The following ZNF296 variants were observed in gnomAD, a reference collection of about 807,000 sequenced individuals.
The protein encoded by ZNF296 is zinc finger protein 342.
In ZNF296, 1 loss-of-function variant was observed where a neutral mutation model predicts 13.2. The observed-to-expected ratio is 0.08, with a 90% CI of 0.03 to 0.36. ZNF296 has a LOEUF of 0.36. ZNF296 is among the 10% of genes least tolerant of loss of function. The probability of loss-of-function intolerance (pLI) is 0.99; values close to 1 mark genes in which losing one functional copy is unlikely to be tolerated. For missense variants in ZNF296, 555 were observed against 688.2 expected, an observed-to-expected ratio of 0.81 and a Z score of 2.16; for synonymous variants, 303 against 289.0, an observed-to-expected ratio of 1.05 and a Z score of -0.49.
Position 45,076,201 on chromosome 19 carries a change from G to A in ZNF296, c.173C>T (p.Ser58Leu), listed in dbSNP as rs138387155. 1,300 of 1,508,460 alleles carry A rather than the reference G, an allele frequency of 8.6e-4. 7 individuals carry two copies. In the African/African-American group the frequency reaches 0.016, roughly 19 times the overall value. The allele number at this position is 1,508,460 out of a possible 1,614,324, so 93.4% of individuals were successfully genotyped here. A position where few individuals can be genotyped will look rare whatever the true frequency, so the allele number is the denominator to read the frequency against. Residue 58 changes from serine (S) to leucine (L), a missense_variant, in exon 1 of 3, where the codon TCG becomes TTG. By Grantham distance (145) the Ser-to-Leu change is moderately radical (BLOSUM62 -2). Around this residue, in one of 3 missense-constraint regions of ZNF296, gnomAD observed 137 missense variants for 121.9 expected, o/e 1.12. Transcript: ENST00000303809. The surrounding 1 kb of genome is among the most constrained non-coding windows in gnomAD (Gnocchi z 4.9). The stretch of plus-strand genomic sequence containing the variant: ...GGGTTCGCCGCCGAACCGCCCCGCC[G>A]AGGACACCTCCTTCGGGGAGAAGGG... ...LGPFSPKEVS[S>L]AGRFGGEPHH...
chr19:45,072,285 C>T lies in ZNF296; in HGVS notation c.744G>A (p.Val248=), dbSNP rs772971735. The T allele has an allele frequency of 3.7e-6, 6 of 1,613,586 alleles. No homozygotes were observed. Among genetic ancestry groups the T allele is most frequent in the Non-Finnish European group, 5.1e-6 (6 of 1,179,914 alleles). Residue 248 remains valine, a synonymous_variant, in exon 3 of 3, where the codon GTG becomes GTA. Transcript: ENST00000303809. The stretch of plus-strand genomic sequence containing the variant: ...GCTCGCCTGTGTGTGAGCGCATGTG[C>T]ACTTTGAGGTTGCTGAAGGAGCTGA... ...KTLSSFSNLK[V]HMRSHTGERP...
Position 45,072,413 on chromosome 19 carries a change from C to A in ZNF296, c.616G>T (p.Val206Leu), listed in dbSNP as rs760280796. The change falls in exon 3 of 3, where the codon GTG (valine) becomes TTG (leucine). Residue 206 changes from valine (V) to leucine (L), a missense_variant. Val to Leu is a conservative substitution (Grantham distance 32, BLOSUM62 1). This residue lies in a region of ZNF296 where 410 missense variants were observed against 548.0 expected (regional missense o/e 0.75). Transcript: ENST00000303809. ...GCTGCTGGCCCCACCACTGCCGACACGGCTGCAGCCACCTCGGCCAGGCCC... is the reference window on the plus strand; with the variant it reads ...GCTGCTGGCCCCACCACTGCCGACAAGGCTGCAGCCACCTCGGCCAGGCCC... ...LLGLAEVAAAVSAVVGPAAEA... is the reference protein window; with the variant it reads ...LLGLAEVAAALSAVVGPAAEA... The A allele has an allele frequency of 2.5e-6, 4 of 1,612,560 alleles. No homozygotes were observed. The highest frequency in any genetic ancestry group is 3.4e-6 in the Non-Finnish European group (4 of 1,179,724).
intron 2 of ZNF296, among the ~76,000 whole-genome samples, chr19:45,074,230 G>A (rs1967304990): frequency 6.6e-6 from 1 of 151,708 alleles, no homozygotes; most frequent in South Asian, 2.1e-4. Context: ...CCATGGTGGT[G>A]CACGCCTGTA....
intron 2 of ZNF296, among the ~76,000 whole-genome samples, chr19:45,075,198 C>G (rs1030949427): frequency 1.3e-5 from 2 of 152,144 alleles, no homozygotes; most frequent in African/African-American, 2.4e-5. Context: ...ATTCCATCAC[C>G]GAGGGAAGCC....
chr19:45,075,902 A>G (rs930984033), intron 1 of ZNF296, 40 bp from the exon 2 acceptor site: 2 of 1,609,820 alleles, frequency 1.2e-6, no homozygotes, highest in Admixed American at 1.7e-5. Context: ...GGGTGGGGCC[A>G]GGATGGGGGC....
chr19:45,071,621 C>T lies in ZNF296; in HGVS notation c.1408G>A (p.Glu470Lys). Reference sequence around the variant, plus strand: ...TGGGCTCAGGCCTCGCCGGCCGCCTCAGGGTGCTTCTGCCGCAGGTGTTTG... The same window carrying T: ...TGGGCTCAGGCCTCGCCGGCCGCCTTAGGGTGCTTCTGCCGCAGGTGTTTG... Reference protein sequence around the residue: ...LDKHLRQKHPEAAGEA With the variant: ...LDKHLRQKHPKAAGEA The change falls in exon 3 of 3, where the codon GAG (glutamate) becomes AAG (lysine). Residue 470 changes from glutamate to lysine, a missense_variant. Coordinates refer to ENST00000303809, the MANE Select transcript of ZNF296 (RefSeq NM_145288.3). 1 of 1,524,540 alleles carries T rather than the reference C, an allele frequency of 6.6e-7. No individual in the cohort carries two copies. Among genetic ancestry groups the T allele is most frequent in the Non-Finnish European group, 8.8e-7 (1 of 1,141,866 alleles). The allele number at this position is 1,524,540 out of a possible 1,614,324, so 94.4% of individuals were successfully genotyped here. A position where few individuals can be genotyped will look rare whatever the true frequency, so the allele number is the denominator to read the frequency against.
At chr19:45,075,605 C>T in intron 2 of ZNF296, 108 bp downstream of exon 2, 1 of 1,261,952 alleles carries the variant, frequency 7.9e-7, no homozygotes, top group Non-Finnish European at 1.1e-6. Context: ...CGATGGGGAG[C>T]GAGAAAGGGG....
rs751850971 is a variant in ZNF296, at chr19:45,071,699, G to A, written c.1330C>T (p.Arg444Cys). The change falls in exon 3 of 3, where the codon CGC (arginine) becomes TGC (cysteine). Residue 444 changes from arginine (R) to cysteine (C), a missense_variant. By Grantham distance (180) the Arg-to-Cys change is radical (BLOSUM62 -3). Transcript: ENST00000303809. Reference protein sequence around the residue: ...RMHGMTPGSTRFECPHCHVPF... With the variant: ...RMHGMTPGSTCFECPHCHVPF... ...ACATGGCAGTGGGGGCACTCGAAGC[G>A]GGTGCTGCCAGGCGTCATGCCGTGC... The A allele has an allele frequency of 9.4e-6, 15 of 1,588,500 alleles. No individual in the cohort carries two copies. The highest frequency in any genetic ancestry group is 6.9e-5 in the Admixed American group (4 of 58,018).
chr19:45,073,892 C>G (rs1216315302), intron 2 of ZNF296, among the ~76,000 whole-genome samples: 3 of 151,280 alleles, frequency 2.0e-5, no homozygotes, highest in African/African-American at 7.3e-5. Context: ...TGTGGTGGTG[C>G]GCGCCTGTAA....
At chr19:45,072,614 A>G (rs756246629) in intron 2 of ZNF296, 34 bp from the exon 3 acceptor site, 1 of 1,549,574 alleles carries the variant, frequency 6.5e-7, no homozygotes, top group African/African-American at 1.4e-5. Context: ...GTTAGTGCGG[A>G]CAGCTGCCAG....
At position 45,073,893 on chromosome 19, in the gene ZNF296, G is replaced by A. The variant is rs114975463; in HGVS notation, c.449-1313C>T. On this transcript the variant is annotated intron_variant, in intron 2 of 2. Transcript: ENST00000303809. ...AAAAAATAGCCGGGTGTGGTGGTGC[G>A]CGCCTGTAATCCCGGCCACTTGGGA... is the stretch of plus-strand genomic sequence containing the variant. 7.2e-3 allele frequency among the ~76,000 whole-genome samples: 1,091 copies of A among 151,484 alleles called. 12 individuals are homozygous for A. Among genetic ancestry groups the A allele is most frequent in the African/African-American group, 0.025 (1,013 of 41,318 alleles).
Position 45,076,154 on chromosome 19 carries a change from G to C in ZNF296, c.220C>G (p.Pro74Ala), listed in dbSNP as rs200474601. The change falls in exon 1 of 3, where the codon CCC becomes GCC. Residue 74 changes from proline (P) to alanine (A), a missense_variant. By Grantham distance (27) the Pro-to-Ala change is conservative. Around this residue, in one of 3 missense-constraint regions of ZNF296, gnomAD observed 137 missense variants for 121.9 expected, o/e 1.12. Transcript: ENST00000303809. This position sits in a 1 kb window ranked among gnomAD's most constrained non-coding sequence, Gnocchi z 4.9. ...AGGGCGAGGAGGGCGGCCCCGGCGG[G>C]CATGGGGCCAGGGGAGTGGTGGGGT... is the stretch of plus-strand genomic sequence containing the variant. ...GEPHHSPGPM[P>A]AGAALLALGP... 1 of 1,545,870 alleles carries C rather than the reference G, an allele frequency of 6.5e-7. No homozygotes were observed. The highest frequency in any genetic ancestry group is 8.7e-7 in the Non-Finnish European group (1 of 1,151,376).
rs1386859873 is a variant in ZNF296 at position 45,072,305 on chromosome 19, A to T, written c.724T>A (p.Ser242Thr). ...ATGTGCACTTTGAGGTTGCTGAAGGAGCTGAGGGTCTTCTTGCACACAGGA... is the reference window on the plus strand; with the variant it reads ...ATGTGCACTTTGAGGTTGCTGAAGGTGCTGAGGGTCTTCTTGCACACAGGA... ...TCPVCKKTLS[S>T]FSNLKVHMRS... The change falls in exon 3 of 3, where the codon TCC becomes ACC. Residue 242 changes from serine (S) to threonine (T), a missense_variant. By Grantham distance (58) the Ser-to-Thr change is moderately conservative. Transcript: ENST00000303809. 6.2e-7 allele frequency: 1 copy of T among 1,613,336 alleles called. No individual in the cohort carries two copies. Among genetic ancestry groups the T allele is most frequent in the East Asian group, 2.2e-5 (1 of 44,866 alleles).
intron 2 of ZNF296, among the ~76,000 whole-genome samples, chr19:45,072,918 T>C (rs1967284003): frequency 6.6e-6 from 1 of 152,178 alleles, no homozygotes; most frequent in Non-Finnish European, 1.5e-5. Flanking sequence ...CCCGCCACCA[T>C]GCCTGGCTAA....
At position 45,072,240 on chromosome 19, in the gene ZNF296, C is replaced by G. The variant is rs576782758; in HGVS notation, c.789G>C (p.Gln263His). The G allele has an allele frequency of 6.2e-7, 1 of 1,613,388 alleles. No homozygotes were observed. The highest frequency in any genetic ancestry group is 1.1e-5 in the South Asian group (1 of 91,056). ...HTGERPYACD[Q>H]CPYACAQSSK... ...TGCTCTGGGCGCAGGCGTAGGGACA[C>G]TGGTCGCAAGCATAGGGCCGCTCGC... The change falls in exon 3 of 3, where the codon CAG (glutamine) becomes CAC (histidine). Residue 263 changes from glutamine to histidine, a missense_variant. Gln to His is a conservative substitution (Grantham distance 24). Transcript: ENST00000303809.
Position 45,071,954 on chromosome 19 carries a change from G to A in ZNF296, c.1075C>T (p.Gln359Ter). 1 of 1,613,696 alleles carries A rather than the reference G, an allele frequency of 6.2e-7. No homozygotes were observed. Among genetic ancestry groups the A allele is most frequent in the Non-Finnish European group, 8.5e-7 (1 of 1,180,028 alleles). ...GDTWGAITTEQRTDPANSQKA... is the reference protein window; with the variant it reads ...GDTWGAITTE ...TGGCTGTTTGCAGGGTCAGTTCTTT[G>A]TTCCGTGGTGATGGCTCCCCAAGTG... Residue 359 changes from glutamine (Q) to a stop codon, truncating the protein, a stop_gained, in exon 3 of 3, where the codon CAA (glutamine) becomes TAA (stop). Transcript: ENST00000303809. LOFTEE classifies it low-confidence loss of function (END_TRUNC).
Position 45,071,707 on chromosome 19 carries a change from C to A in ZNF296, c.1322G>T (p.Gly441Val). 6.3e-7 allele frequency: 1 copy of A among 1,593,982 alleles called. No homozygotes were observed. The highest frequency in any genetic ancestry group is 8.6e-7 in the Non-Finnish European group (1 of 1,169,096). Reference protein sequence around the residue: ...RHRRMHGMTPGSTRFECPHCH... With the variant: ...RHRRMHGMTPVSTRFECPHCH... ...GTGGGGGCACTCGAAGCGGGTGCTG[C>A]CAGGCGTCATGCCGTGCATGCGGCG... Residue 441 changes from glycine to valine, a missense_variant, in exon 3 of 3, where the codon GGC becomes GTC. Physicochemically the swap from Gly to Val is moderately radical, Grantham distance 109. Transcript: ENST00000303809.
Position 45,076,395 on chromosome 19 carries a change from A to AGCGG in ZNF296, c.-26_-23dup, listed in dbSNP as rs1427974832. 6 of 1,249,986 alleles carry AGCGG rather than the reference A, an allele frequency of 4.8e-6. No individual in the cohort carries two copies. In the African/African-American group the frequency reaches 7.7e-5, roughly 16 times the overall value. 77.4% of individuals were successfully genotyped at this position (1,249,986 alleles called of 1,614,324 possible). ...ACATGAGTCGCGGGCCGGGCGAGCG[A>AGCGG]GCGGGCGGGCAGGCAGGCAGGCGGG... is the stretch of plus-strand genomic sequence containing the variant. On this transcript the variant is annotated 5_prime_UTR_variant, in exon 1 of 3. Coordinates refer to ENST00000303809, the MANE Select transcript of ZNF296 (RefSeq NM_145288.3). The surrounding 1 kb of genome is among the most constrained non-coding windows in gnomAD (Gnocchi z 4.9).
rs1217632865 is a variant in ZNF296, at chr19:45,076,335, T to C, written c.39A>G (p.Val13=). 9 of 1,378,648 alleles carry C rather than the reference T, an allele frequency of 6.5e-6. No individual in the cohort carries two copies. The African/African-American group carries it at 9.0e-5, about 14-fold the overall frequency. The allele number at this position is 1,378,648 out of a possible 1,614,324, so 85.4% of individuals were successfully genotyped here. A position where few individuals can be genotyped will look rare whatever the true frequency, so the allele number is the denominator to read the frequency against. ...CTGGGTTGGCGGCGGGCGCGGGCTC[T>C]ACTCGGCGGGGCGCGCTGCCGGCCT... ...RRKAGSAPRR[V]EPAPAANPDD... The change falls in exon 1 of 3, where the codon GTA becomes GTG. Residue 13 remains valine, a synonymous_variant. Coordinates refer to ENST00000303809, the MANE Select transcript of ZNF296 (RefSeq NM_145288.3). The surrounding 1 kb of genome is among the most constrained non-coding windows in gnomAD (Gnocchi z 4.9).
Sources: allele counts gnomAD v4.1 joint callset (sites outside exome capture counted in the v4.1 genomes callset), GRCh38; gene constraint gnomAD v4.1.1; regional missense constraint gnomAD v4.1.1; non-coding constraint Gnocchi (gnomAD v3.1); transcripts MANE v1.5; gene names NCBI Gene and HGNC (gene_info 2026-07-23, HGNC 2026-07-21).